Variants in KIAA1549L observed in about 807,000 individuals in gnomAD.
KIAA1549L encodes the protein UPF0606 protein KIAA1549L.
In KIAA1549L, 88 loss-of-function variants were observed where a neutral mutation model predicts 160.7. The observed-to-expected ratio is 0.55, with a 90% CI of 0.46 to 0.65. The LOEUF (loss-of-function observed/expected upper bound fraction) is 0.65, where lower values mean the gene tolerates loss of function less well. KIAA1549L is among the 30% of genes least tolerant of loss of function. The probability of loss-of-function intolerance (pLI) is 0.00; values close to 1 mark genes in which losing one functional copy is unlikely to be tolerated. For missense variants in KIAA1549L, 2,258 were observed against 2,437.5 expected, an observed-to-expected ratio of 0.93 and a Z score of 1.55; for synonymous variants, 950 against 976.7, an observed-to-expected ratio of 0.97 and a Z score of 0.51.
intron 1 of KIAA1549L, among the ~76,000 whole-genome samples, chr11:33,393,847 T>C (rs990222916): frequency 1.3e-5 from 2 of 152,226 alleles, no homozygotes; most frequent in African/African-American, 4.8e-5. Context: ...TAGCACAGGG[T>C]CTTGCACATA....
chr11:33,378,803 G>C (rs1850013940), intron 1 of KIAA1549L, among the ~76,000 whole-genome samples: 1 of 152,060 alleles, frequency 6.6e-6, no homozygotes, highest in Non-Finnish European at 1.5e-5. Context: ...TTAAACACTG[G>C]GTTCCCTGTG....
At chr11:33,667,674 G>A (rs904021175) in intron 20 of KIAA1549L, among the ~76,000 whole-genome samples, 199 bp from the exon 21 acceptor site, 13 of 152,166 alleles carry the variant, frequency 8.5e-5, no homozygotes, top group South Asian at 2.1e-4. Context: ...GATTACAGGC[G>A]TGAGCCACCG....
At position 33,487,597 on chromosome 11, in the gene KIAA1549L, C is replaced by T. The variant is rs189120302; in HGVS notation, c.239-54205C>T. ...GCCTTCAGAAGTTTGTGAGCTGAAACATCGATTCGTACTGTGAATGCATTT... is the reference window on the plus strand; with the variant it reads ...GCCTTCAGAAGTTTGTGAGCTGAAATATCGATTCGTACTGTGAATGCATTT... On this transcript the variant is annotated intron_variant, in intron 1 of 20. Coordinates refer to ENST00000658780, the MANE Select transcript of KIAA1549L (RefSeq NM_012194.3). Among the ~76,000 whole-genome samples the T allele has an allele frequency of 1.1e-3, 161 of 152,170 alleles. 1 individual carries two copies. Among genetic ancestry groups the T allele is most frequent in the African/African-American group, 3.7e-3 (154 of 41,526 alleles).
chr11:33,509,095 T>A (rs1853164042), intron 1 of KIAA1549L, among the ~76,000 whole-genome samples: 2 of 152,236 alleles, frequency 1.3e-5, no homozygotes, highest in African/African-American at 4.8e-5. Context: ...GCTTGGTTTC[T>A]ATCACTCTTC....
chr11:33,448,959 G>A (rs965123056), intron 1 of KIAA1549L, among the ~76,000 whole-genome samples: 2 of 152,022 alleles, frequency 1.3e-5, no homozygotes, highest in African/African-American at 2.4e-5. Context: ...TCACCTCTTC[G>A]CACACTTAGC....
chr11:33,601,098 AAAAT>A (rs1423384491), intron 13 of KIAA1549L, among the ~76,000 whole-genome samples: 1 of 152,196 alleles, frequency 6.6e-6, no homozygotes, highest in East Asian at 1.9e-4. Flanking sequence ...GTGCAGGAAT[AAAAT>A]GCAGTTACTA....
intron 1 of KIAA1549L, among the ~76,000 whole-genome samples, chr11:33,510,420 C>T (rs1217000443): frequency 6.6e-6 from 1 of 152,160 alleles, no homozygotes; most frequent in Non-Finnish European, 1.5e-5. Context: ...CTCCTGACCT[C>T]AAGTGATCCA....
At chr11:33,642,408 T>C (rs895391419) in intron 16 of KIAA1549L, among the ~76,000 whole-genome samples, 2 of 152,160 alleles carry the variant, frequency 1.3e-5, no homozygotes, top group African/African-American at 4.8e-5. Context: ...GTTACTTCTA[T>C]AGAAGGGTGC....
At chr11:33,439,064 T>G (rs1225899366) in intron 1 of KIAA1549L, among the ~76,000 whole-genome samples, 14 of 151,860 alleles carry the variant, frequency 9.2e-5, no homozygotes, top group Admixed American at 9.2e-4. Flanking sequence ...GTAGCTAAAA[T>G]TACAGATGTG....
At chr11:33,609,698 C>A in intron 14 of KIAA1549L, 51 bp from the exon 15 acceptor site, 1 of 1,433,972 alleles carries the variant, frequency 7.0e-7, no homozygotes, top group East Asian at 2.4e-5. Context: ...AGTCTCCCAC[C>A]TGCCGGCCCC....
intron 16 of KIAA1549L, among the ~76,000 whole-genome samples, chr11:33,645,427 A>T (rs954607188): frequency 6.6e-6 from 1 of 152,182 alleles, no homozygotes; most frequent in Non-Finnish European, 1.5e-5. Flanking sequence ...AGTCTGTTAC[A>T]CTAACAGGCA....
intron 20 of KIAA1549L, among the ~76,000 whole-genome samples, chr11:33,666,957 G>C (rs867537732): frequency 6.6e-6 from 1 of 152,218 alleles, no homozygotes; most frequent in Non-Finnish European, 1.5e-5. Context: ...AAAGGGCTCA[G>C]TCGATGTTGT....
chr11:33,644,224 C>T (rs1282912403), intron 16 of KIAA1549L, among the ~76,000 whole-genome samples: 1 of 152,156 alleles, frequency 6.6e-6, no homozygotes, highest in Non-Finnish European at 1.5e-5. Flanking sequence ...AGTCCTAACT[C>T]TAGGAGATAA....
intron 1 of KIAA1549L, among the ~76,000 whole-genome samples, chr11:33,396,452 G>A (rs1237083329): frequency 6.6e-6 from 1 of 152,198 alleles, no homozygotes; most frequent in Non-Finnish European, 1.5e-5. Flanking sequence ...GATTTTGCTG[G>A]TAGAATTTCT....
intron 1 of KIAA1549L, among the ~76,000 whole-genome samples, chr11:33,420,574 G>C (rs1850991707): frequency 6.6e-6 from 1 of 152,048 alleles, no homozygotes; most frequent in Non-Finnish European, 1.5e-5. Context: ...GAAGTTGTAT[G>C]GATTTTCATA....
At chr11:33,614,570 ATATATATATATATATTTTTTTTTTT>A (rs1850751262) in intron 15 of KIAA1549L, among the ~76,000 whole-genome samples, 2 of 15,042 alleles carry the variant, frequency 1.3e-4, no homozygotes, top group African/African-American at 7.8e-4. Context: ...ATATATATAT[ATATATATATATATATTTTTTTTTTT>A]TTTTTTTTTT....
intron 1 of KIAA1549L, among the ~76,000 whole-genome samples, chr11:33,490,978 G>A (rs1190135894): frequency 6.6e-6 from 1 of 152,192 alleles, no homozygotes; most frequent in East Asian, 1.9e-4. Flanking sequence ...GCCTGTTCAT[G>A]CCTCTGTTTA....
At chr11:33,496,859 A>G (rs1249469807) in intron 1 of KIAA1549L, among the ~76,000 whole-genome samples, 1 of 152,086 alleles carries the variant, frequency 6.6e-6, no homozygotes, top group African/African-American at 2.4e-5. Context: ...CTCCTTTCTA[A>G]TCTTACTTTG....
intron 20 of KIAA1549L, among the ~76,000 whole-genome samples, chr11:33,665,803 A>G (rs556393085): frequency 2.0e-5 from 3 of 151,998 alleles, no homozygotes; most frequent in Admixed American, 2.0e-4. Context: ...CAGAAATCAG[A>G]GCCCCTACAG....
Sources: allele counts gnomAD v4.1 joint callset (sites outside exome capture counted in the v4.1 genomes callset), GRCh38; gene constraint gnomAD v4.1.1; transcripts MANE v1.5; gene names NCBI Gene and HGNC (gene_info 2026-07-23, HGNC 2026-07-21).